SLC38A9: variants seen among roughly 807,000 people sequenced by gnomAD.
SLC38A9 encodes neutral amino acid transporter 9.
A neutral mutation model predicts 62.3 loss-of-function variants in SLC38A9; 48 were observed. That is an observed-to-expected ratio of 0.77 (90% CI 0.61 to 0.98). SLC38A9 has a LOEUF of 0.98. Ranked by LOEUF, SLC38A9 falls within the 50% of genes least tolerant of loss-of-function variation. The probability of loss-of-function intolerance (pLI) is 0.00; values close to 1 mark genes in which losing one functional copy is unlikely to be tolerated. For missense variants in SLC38A9, 541 were observed against 679.8 expected (o/e 0.80, Z 2.27); for synonymous variants, 204 against 227.7 (o/e 0.90, Z 0.94).
rs186478183 is a variant in SLC38A9 at position 55,679,854 on chromosome 5, A to G, written c.114-7159T>C. On this transcript the variant is annotated intron_variant, in intron 3 of 15. Coordinates refer to ENST00000396865, the MANE Select transcript of SLC38A9 (RefSeq NM_173514.4). Reference sequence around the variant, plus strand: ...AATTCCCAAGTGGGAAAGTTTTCCAAGCAGCTTCTCCTTTTATCCACTTTA... The same window carrying G: ...AATTCCCAAGTGGGAAAGTTTTCCAGGCAGCTTCTCCTTTTATCCACTTTA... Among the ~76,000 whole-genome samples, 18 of 152,380 alleles carry G rather than the reference A, an allele frequency of 1.2e-4. No individual in the cohort carries two copies. In the East Asian group the frequency reaches 3.5e-3, roughly 29 times the overall value.
chr5:55,705,402 C>A (rs1389398317), intron 2 of SLC38A9, among the ~76,000 whole-genome samples: 6 of 138,088 alleles, frequency 4.3e-5, no homozygotes, highest in Admixed American at 7.8e-5. Context: ...TCCAATAAAT[C>A]CTTAGAATTT....
chr5:55,630,994 A>T (rs990428753), intron 14 of SLC38A9, among the ~76,000 whole-genome samples: 1 of 151,982 alleles, frequency 6.6e-6, no homozygotes, highest in Non-Finnish European at 1.5e-5. Flanking sequence ...TTAGGCAGAC[A>T]TGGTGGTGGG....
intron 3 of SLC38A9, 183 bp from the exon 4 acceptor site, chr5:55,672,878 A>C (rs1021831179): frequency 7.6e-6 from 4 of 522,946 alleles, no homozygotes; most frequent in Non-Finnish European, 1.3e-5. Context: ...CCACAGAATA[A>C]AGCTTTTGTC....
chr5:55,682,780 G>A (rs1753215303), intron 3 of SLC38A9, among the ~76,000 whole-genome samples: 1 of 121,150 alleles, frequency 8.3e-6, no homozygotes, highest in African/African-American at 2.9e-5. Context: ...AAACAGACGT[G>A]TGTGTGTTTA....
chr5:55,650,780 T>C (rs996854586), intron 10 of SLC38A9, among the ~76,000 whole-genome samples: 1 of 152,164 alleles, frequency 6.6e-6, no homozygotes, highest in African/African-American at 2.4e-5. Flanking sequence ...TTCCTTGATA[T>C]GCTGGGTTAT....
At chr5:55,677,428 A>T (rs1429405629) in intron 3 of SLC38A9, among the ~76,000 whole-genome samples, 2 of 152,210 alleles carry the variant, frequency 1.3e-5, no homozygotes, top group African/African-American at 4.8e-5. Context: ...TAATCAGTCC[A>T]GAAAGACTTC....
chr5:55,640,898 G>A (rs1213630585), intron 12 of SLC38A9, among the ~76,000 whole-genome samples: 1 of 152,220 alleles, frequency 6.6e-6, no homozygotes, highest in Non-Finnish European at 1.5e-5. Context: ...GTGCAACAGT[G>A]TGATCTCGGC....
At chr5:55,692,286 T>A (rs575060176) in intron 3 of SLC38A9, among the ~76,000 whole-genome samples, 2 of 152,336 alleles carry the variant, frequency 1.3e-5, no homozygotes, top group African/African-American at 4.8e-5. Context: ...CATTCACTTA[T>A]ATTATACAGG....
At chr5:55,687,230 G>A (rs969166137) in intron 3 of SLC38A9, among the ~76,000 whole-genome samples, 18 of 151,084 alleles carry the variant, frequency 1.2e-4, no homozygotes, top group African/African-American at 2.2e-4. Context: ...ACGAGGTCAG[G>A]AGATCGAGAC....
At chr5:55,687,065 G>GTTTT (rs56912932) in intron 3 of SLC38A9, among the ~76,000 whole-genome samples, 19 of 125,704 alleles carry the variant, frequency 1.5e-4, no homozygotes, top group East Asian at 2.5e-4. Context: ...CTCCAGCTTT[G>GTTTT]TTTTTTTTTT....
chr5:55,690,495 G>A (rs980489926), intron 3 of SLC38A9, among the ~76,000 whole-genome samples: 3 of 152,168 alleles, frequency 2.0e-5, no homozygotes, highest in Admixed American at 6.5e-5. Context: ...TTGGCCATCC[G>A]CACTAGCCAC....
chr5:55,698,019 T>C, intron 2 of SLC38A9, 27 bp from the exon 3 acceptor site: 1 of 803,214 alleles, frequency 1.2e-6, no homozygotes, highest in East Asian at 2.9e-5. Flanking sequence ...AATAATTTAG[T>C]TTAATTTTAA....
intron 3 of SLC38A9, among the ~76,000 whole-genome samples, chr5:55,678,383 C>T (rs1385788595): frequency 3.3e-5 from 5 of 151,990 alleles, no homozygotes; most frequent in African/African-American, 9.7e-5. Flanking sequence ...GTGTGCCACC[C>T]GCCTTCACCT....
At position 55,672,471 on chromosome 5, in the gene SLC38A9, AG is replaced by A. The variant is rs1021295369; in HGVS notation, c.246+91del. The stretch of plus-strand genomic sequence containing the variant: ...TGCTGTCCTTGAAATACAGTCAGAA[AG>A]AAGTTCAATCACTGGGAGGTGCCCT... On this transcript the variant is annotated intron_variant, in intron 4 of 15. Coordinates refer to ENST00000396865, the MANE Select transcript of SLC38A9 (RefSeq NM_173514.4). 7 of 1,415,440 alleles carry A rather than the reference AG, an allele frequency of 4.9e-6. No individual in the cohort carries two copies. The Admixed American group carries it at 6.1e-5, about 12-fold the overall frequency. 87.7% of individuals were successfully genotyped at this position (1,415,440 alleles called of 1,614,324 possible).
chr5:55,629,409 C>G (rs1051465206), intron 14 of SLC38A9, among the ~76,000 whole-genome samples: 1 of 151,942 alleles, frequency 6.6e-6, no homozygotes, highest in African/African-American at 2.4e-5. Context: ...CAAACACTCT[C>G]CAAAGTATAA....
chr5:55,641,539 A>G (rs1033131972), intron 12 of SLC38A9, among the ~76,000 whole-genome samples: 3 of 152,244 alleles, frequency 2.0e-5, no homozygotes, highest in African/African-American at 7.2e-5. Context: ...CAGCAGTGTC[A>G]ACATTTCCAC....
chr5:55,688,489 C>A (rs969812006), intron 3 of SLC38A9, among the ~76,000 whole-genome samples: 13 of 151,022 alleles, frequency 8.6e-5, no homozygotes, highest in Non-Finnish European at 5.9e-5. Flanking sequence ...ACACCATTCT[C>A]CTGCCTCAGT....
chr5:55,687,974 G>A (rs1176371338), intron 3 of SLC38A9, among the ~76,000 whole-genome samples: 3 of 152,184 alleles, frequency 2.0e-5, no homozygotes, highest in African/African-American at 7.2e-5. Context: ...TGGGATTACA[G>A]GTGTGAGCCA....
chr5:55,696,699 GCTGACCC>G (rs1755821611), intron 3 of SLC38A9: 1 of 105,962 alleles, frequency 9.4e-6, no homozygotes, highest in African/African-American at 3.1e-5. Flanking sequence ...CAGGCGGGGG[GCTGACCC>G]CCCCACCTCC....
Sources: gnomAD v4.1 joint callset for allele counts (sites outside exome capture counted in the v4.1 genomes callset) on GRCh38, gnomAD v4.1.1 for gene constraint, MANE v1.5 for transcripts, NCBI Gene and HGNC (gene_info 2026-07-23, HGNC 2026-07-21) for gene names.